The following MCPH1 variants were observed in gnomAD, a reference collection of about 807,000 sequenced individuals.
MCPH1 encodes the protein microcephalin.
Under a neutral mutation model 84.5 loss-of-function variants are expected in MCPH1, and 104 were observed. The observed-to-expected ratio is 1.23, with a 90% CI of 1.05 to 1.45. The LOEUF (loss-of-function observed/expected upper bound fraction) is 1.45, where lower values mean the gene tolerates loss of function less well. Ranked by LOEUF, MCPH1 falls within the 40% of genes most tolerant of loss-of-function variation. The pLI, the probability that MCPH1 is intolerant of heterozygous loss-of-function variation, is 0.00. For missense variants in MCPH1, 1,498 were observed against 1,005.7 expected (o/e 1.49, Z -6.62); for synonymous variants, 514 against 366.8 (o/e 1.40, Z -4.58).
chr8:6,433,414 G>T (rs1802134743), intron 4 of MCPH1, among the ~76,000 whole-genome samples: 1 of 151,966 alleles, frequency 6.6e-6, no homozygotes, highest in African/African-American at 2.4e-5. Context: ...GGGCAAATCA[G>T]TTGAGGCCAG....
Position 6,621,674 on chromosome 8 carries a change from C to G in MCPH1, c.2435C>G (p.Ser812Cys), listed in dbSNP as rs755280764. 3.1e-6 allele frequency: 5 copies of G among 1,614,200 alleles called. No homozygotes were observed. Among genetic ancestry groups the G allele is most frequent in the South Asian group, 2.2e-5 (2 of 91,068 alleles). Residue 812 changes from serine (S) to cysteine (C), a missense_variant, in exon 13 of 14, where the codon TCT becomes TGT. By Grantham distance (112) the Ser-to-Cys change is moderately radical. Coordinates refer to ENST00000344683, the MANE Select transcript of MCPH1 (RefSeq NM_024596.5). ...GKKKATVKYL[S>C]EKWVLDSITQ... ...AAGAAAGCCACAGTCAAGTATCTGT[C>G]TGAGAAATGGGTCTTAGGTAAGAAT...
chr8:6,439,074 A>G lies in MCPH1; in HGVS notation c.558A>G (p.Lys186=), dbSNP rs1803096627. ...AGAGATTACAAGAGATGAAGGAGAA[A>G]AGGGAAAATCTTTCCCCCACCTGTA... ...MEKRLQEMKE[K]RENLSPTSSQ... The change falls in exon 6 of 14, where the codon AAA becomes AAG. Residue 186 remains lysine, a synonymous_variant. Coordinates refer to ENST00000344683, the MANE Select transcript of MCPH1 (RefSeq NM_024596.5). 3 of 1,613,352 alleles carry G rather than the reference A, an allele frequency of 1.9e-6. No individual in the cohort carries two copies. Among genetic ancestry groups the G allele is most frequent in the African/African-American group, 1.3e-5 (1 of 74,932 alleles).
intron 12 of MCPH1, chr8:6,617,072 G>C (rs1199253267): frequency 6.6e-6 from 1 of 152,020 alleles, no homozygotes. Flanking sequence ...GTCTGGTAGA[G>C]GGAATGCTTC....
intron 8 of MCPH1, chr8:6,447,491 C>A: frequency 1.2e-6 from 1 of 806,310 alleles, no homozygotes; most frequent in Non-Finnish European, 1.5e-6. Flanking sequence ...TTACAAAGAG[C>A]TTCAATACGC....
At chr8:6,571,827 T>A (rs1413735317) in intron 12 of MCPH1, among the ~76,000 whole-genome samples, 8 of 152,132 alleles carry the variant, frequency 5.3e-5, no homozygotes, top group Non-Finnish European at 1.2e-4. Context: ...CAAAAAGTAG[T>A]TTTTGAAGAA....
chr8:6,524,904 T>A (rs116677878), intron 12 of MCPH1, among the ~76,000 whole-genome samples: 2,244 of 152,324 alleles, frequency 0.015, 65 homozygotes, highest in African/African-American at 0.052. Context: ...AGCCTTAGGC[T>A]GGGAATCCCA....
At chr8:6,595,556 G>A (rs756727177) in intron 12 of MCPH1, among the ~76,000 whole-genome samples, 4 of 152,314 alleles carry the variant, frequency 2.6e-5, no homozygotes, top group Non-Finnish European at 5.9e-5. Flanking sequence ...ACTGGCAGGT[G>A]GGCTTCTGCT....
intron 12 of MCPH1, among the ~76,000 whole-genome samples, chr8:6,541,186 G>A (rs1026739139): frequency 6.6e-6 from 1 of 152,218 alleles, no homozygotes; most frequent in African/African-American, 2.4e-5. Flanking sequence ...CAGCACAAGA[G>A]GGTGAATTCT....
intron 2 of MCPH1, among the ~76,000 whole-genome samples, chr8:6,410,853 G>A (rs1798438009): frequency 6.6e-6 from 1 of 152,136 alleles, no homozygotes. Flanking sequence ...TTATTAGGAG[G>A]CCAAGGCAGG....
At chr8:6,547,319 A>G (rs890511186) in intron 12 of MCPH1, among the ~76,000 whole-genome samples, 3 of 152,162 alleles carry the variant, frequency 2.0e-5, no homozygotes, top group South Asian at 4.2e-4. Flanking sequence ...TCATTTTCCC[A>G]TAATTAGTTT....
intron 12 of MCPH1, chr8:6,562,598 A>C (rs772177259): frequency 2.3e-6 from 2 of 853,428 alleles, no homozygotes; most frequent in Non-Finnish European, 1.5e-6. Flanking sequence ...GCTGCTGCCA[A>C]GCTGATCTTA....
intron 13 of MCPH1, among the ~76,000 whole-genome samples, chr8:6,632,986 A>G (rs1270307648): frequency 6.6e-6 from 1 of 152,064 alleles, no homozygotes; most frequent in Non-Finnish European, 1.5e-5. Flanking sequence ...AGTAGTGTTA[A>G]AAAGCAGTAG....
chr8:6,488,025 TC>T (rs1053259039), intron 11 of MCPH1, among the ~76,000 whole-genome samples: 15 of 152,360 alleles, frequency 9.8e-5, no homozygotes, highest in African/African-American at 3.6e-4. Context: ...TTATACTTTT[TC>T]CTGATTAAAA....
intron 3 of MCPH1, among the ~76,000 whole-genome samples, chr8:6,426,818 T>G (rs768091655): frequency 6.6e-6 from 1 of 151,970 alleles, no homozygotes; most frequent in Non-Finnish European, 1.5e-5. Flanking sequence ...TGTAGTGGTA[T>G]TTCATGGTTT....
chr8:6,448,088 G>C (rs895352208), intron 8 of MCPH1, among the ~76,000 whole-genome samples: 4 of 152,158 alleles, frequency 2.6e-5, no homozygotes, highest in African/African-American at 9.7e-5. Context: ...AGAGAATGAA[G>C]CAGCGTGCAC....
intron 8 of MCPH1, among the ~76,000 whole-genome samples, chr8:6,453,688 T>C (rs777226283): frequency 6.6e-6 from 1 of 152,224 alleles, no homozygotes; most frequent in Non-Finnish European, 1.5e-5. Context: ...AAGTGCGTAG[T>C]AGATATAATT....
intron 3 of MCPH1, among the ~76,000 whole-genome samples, chr8:6,422,688 G>A (rs1354164741): frequency 6.6e-6 from 1 of 152,098 alleles, no homozygotes; most frequent in Non-Finnish European, 1.5e-5. Flanking sequence ...CAAAAGCAAA[G>A]TTTTCTTTTT....
At chr8:6,634,138 G>C (rs961598386) in intron 13 of MCPH1, among the ~76,000 whole-genome samples, 3 of 152,170 alleles carry the variant, frequency 2.0e-5, no homozygotes, top group Non-Finnish European at 4.4e-5. Flanking sequence ...TGAAAAACTA[G>C]ATCTGAAGGC....
intron 7 of MCPH1, 143 bp from the exon 8 acceptor site, chr8:6,444,250 G>T: frequency 1.1e-6 from 1 of 934,532 alleles, no homozygotes; most frequent in Admixed American, 2.5e-5. Context: ...CCCTTAAGTG[G>T]AAATGAGAAG....
Sources: gnomAD v4.1 joint callset for allele counts (sites outside exome capture counted in the v4.1 genomes callset) on GRCh38, gnomAD v4.1.1 for gene constraint, MANE v1.5 for transcripts, NCBI Gene and HGNC (gene_info 2026-07-23, HGNC 2026-07-21) for gene names.